HCRTR2: variants seen among roughly 807,000 people sequenced by gnomAD.
The protein encoded by HCRTR2 is hypocretin receptor 2.
HCRTR2 carries 22 observed loss-of-function variants against 49.0 expected under a neutral mutation model. The observed-to-expected ratio is 0.45, with a 90% CI of 0.32 to 0.64. The LOEUF is 0.64. HCRTR2 is among the 30% of genes least tolerant of loss of function. The pLI is 0.04. For missense variants in HCRTR2, 491 were observed against 559.4 expected, an observed-to-expected ratio of 0.88 and a Z score of 1.23; for synonymous variants, 236 against 205.3, an observed-to-expected ratio of 1.15 and a Z score of -1.28.
At chr6:55,221,804 C>T (rs1169096306) in intron 1 of HCRTR2, among the ~76,000 whole-genome samples, 1 of 132,928 alleles carries the variant, frequency 7.5e-6, no homozygotes, top group Non-Finnish European at 1.7e-5. Context: ...CAGAGCAAGA[C>T]TCCATCTCAA....
At chr6:55,178,054 T>G (rs1765070592) in intron 1 of HCRTR2, among the ~76,000 whole-genome samples, 1 of 152,174 alleles carries the variant, frequency 6.6e-6, no homozygotes. Context: ...ATGTATCAAC[T>G]TATTCAATTG....
At chr6:55,243,106 A>T (rs1329395967) in intron 1 of HCRTR2, among the ~76,000 whole-genome samples, 1 of 152,134 alleles carries the variant, frequency 6.6e-6, no homozygotes, top group Non-Finnish European at 1.5e-5. Flanking sequence ...AAGACAAATG[A>T]CAGTCTGAAA....
chr6:55,195,881 T>C (rs530501432), intron 1 of HCRTR2, among the ~76,000 whole-genome samples: 23 of 152,092 alleles, frequency 1.5e-4, no homozygotes, highest in Non-Finnish European at 2.6e-4. Flanking sequence ...GGTGGGAGAA[T>C]GGCATGAACC....
chr6:55,180,588 G>GA (rs1427540478), intron 1 of HCRTR2, among the ~76,000 whole-genome samples: 4 of 151,766 alleles, frequency 2.6e-5, no homozygotes, highest in Admixed American at 6.6e-5. Context: ...TGACTCACTG[G>GA]AAAAAAAATG....
At chr6:55,187,411 C>CAAAAAAAAAAAAAAAAAAAAAA (rs57619664) in intron 1 of HCRTR2, among the ~76,000 whole-genome samples, 4 of 98,396 alleles carry the variant, frequency 4.1e-5, no homozygotes, top group South Asian at 3.5e-4. Flanking sequence ...GACTCCGTCT[C>CAAAAAAAAAAAAAAAAAAAAAA]AAAAAAAAAA....
At chr6:55,150,797 G>A (rs1410986684) in intron 1 of HCRTR2, among the ~76,000 whole-genome samples, 1 of 151,942 alleles carries the variant, frequency 6.6e-6, no homozygotes, top group African/African-American at 2.4e-5. Flanking sequence ...TAATAAACAT[G>A]AGAGTGCAGA....
At chr6:55,229,041 A>T (rs1484100536) in intron 1 of HCRTR2, among the ~76,000 whole-genome samples, 1 of 152,140 alleles carries the variant, frequency 6.6e-6, no homozygotes, top group Admixed American at 6.6e-5. Context: ...TGTTAAAAGG[A>T]GGGATTTTTG....
chr6:55,194,535 T>C (rs919204677), intron 1 of HCRTR2, among the ~76,000 whole-genome samples: 1 of 152,086 alleles, frequency 6.6e-6, no homozygotes, highest in Non-Finnish European at 1.5e-5. Flanking sequence ...AATAATAAAA[T>C]ATGTCTGAGA....
chr6:55,175,318 A>C (rs1418883131), intron 1 of HCRTR2, among the ~76,000 whole-genome samples: 3 of 152,162 alleles, frequency 2.0e-5, no homozygotes, highest in East Asian at 1.9e-4. Context: ...GAGGAGGTTT[A>C]GTCTCCAGTC....
At chr6:55,195,991 C>T (rs548482024) in intron 1 of HCRTR2, among the ~76,000 whole-genome samples, 1 of 151,920 alleles carries the variant, frequency 6.6e-6, no homozygotes, top group African/African-American at 2.4e-5. Context: ...ACAACAACAA[C>T]AACAACAAAA....
At chr6:55,233,548 C>G (rs1377133481) in intron 1 of HCRTR2, among the ~76,000 whole-genome samples, 1 of 152,086 alleles carries the variant, frequency 6.6e-6, no homozygotes, top group African/African-American at 2.4e-5. Context: ...TAAAATAACA[C>G]TAGCCAGGCA....
chr6:55,142,712 G>C (rs1764524723), intron 1 of HCRTR2, among the ~76,000 whole-genome samples: 1 of 151,554 alleles, frequency 6.6e-6, no homozygotes, highest in South Asian at 2.1e-4. Flanking sequence ...GAATTAAAGA[G>C]GTAGCACAGA....
intron 1 of HCRTR2, among the ~76,000 whole-genome samples, chr6:55,224,126 T>A (rs1290389213): frequency 1.3e-5 from 2 of 152,240 alleles, no homozygotes; most frequent in Admixed American, 1.3e-4. Flanking sequence ...TTCAAAGTGT[T>A]GTATTTTCTT....
intron 1 of HCRTR2, among the ~76,000 whole-genome samples, chr6:55,200,147 T>C (rs1415620792): frequency 6.6e-6 from 1 of 152,170 alleles, no homozygotes; most frequent in Non-Finnish European, 1.5e-5. Flanking sequence ...TAGCCGAATC[T>C]AGAAATCTTT....
At chr6:55,172,452 C>G (rs1341024525), upstream of HCRTR2, among the ~76,000 whole-genome samples, 4 of 151,918 alleles carry the variant, frequency 2.6e-5, no homozygotes, top group African/African-American at 9.7e-5. Context: ...CTTTGTATCA[C>G]TAAGAGTGGA....
At position 55,273,138 on chromosome 6, in the gene HCRTR2, A is replaced by T. The variant is rs548981157; in HGVS notation, c.763-4242A>T. ...ACAAAAAGTGTCAAGAAATCATGGG[A>T]TTTAATGTGAAAAACTCCCTCAGTG... is the stretch of plus-strand genomic sequence containing the variant. On this transcript the variant is annotated intron_variant, in intron 4 of 6. Coordinates refer to ENST00000370862, the MANE Select transcript of HCRTR2 (RefSeq NM_001384272.1). Among the ~76,000 whole-genome samples the T allele has an allele frequency of 2.0e-5, 3 of 152,110 alleles. No homozygotes were observed. In the South Asian group the frequency reaches 6.2e-4, roughly 32 times the overall value.
At chr6:55,130,174 C>G (rs1561981081) in intron 1 of HCRTR2, among the ~76,000 whole-genome samples, 1 of 151,922 alleles carries the variant, frequency 6.6e-6, no homozygotes, top group Non-Finnish European at 1.5e-5. Flanking sequence ...GATCACTAAT[C>G]TAAGGCCTTT....
chr6:55,206,201 T>C (rs568842226), intron 1 of HCRTR2, among the ~76,000 whole-genome samples: 37 of 152,102 alleles, frequency 2.4e-4, no homozygotes, highest in Non-Finnish European at 4.7e-4. Context: ...GAGTTATGGC[T>C]CAAGAGCTTT....
intron 1 of HCRTR2, among the ~76,000 whole-genome samples, chr6:55,147,033 A>G (rs911160076): frequency 1.3e-5 from 2 of 152,186 alleles, no homozygotes; most frequent in Non-Finnish European, 2.9e-5. Context: ...AAAAATCCCA[A>G]ATGTTTCTAA....
Sources: allele counts gnomAD v4.1 joint callset (sites outside exome capture counted in the v4.1 genomes callset), GRCh38; gene constraint gnomAD v4.1.1; transcripts MANE v1.5; gene names NCBI Gene and HGNC (gene_info 2026-07-23, HGNC 2026-07-21).